SCAMP1: variants seen among roughly 807,000 people sequenced by gnomAD.
SCAMP1 encodes secretory carrier-associated membrane protein 1.
A neutral mutation model predicts 41.8 loss-of-function variants in SCAMP1; 15 were observed. The observed-to-expected ratio is 0.36, with a 90% confidence interval of 0.24 to 0.55. The LOEUF is 0.55. Ranked by LOEUF, SCAMP1 falls within the 20% of genes least tolerant of loss-of-function variation. The pLI, the probability that SCAMP1 is intolerant of heterozygous loss-of-function variation, is 0.86. For synonymous variants in SCAMP1, 135 were observed against 136.8 expected (o/e 0.99, Z 0.09); for missense variants, 341 against 412.6 (o/e 0.83, Z 1.50).
intron 4 of SCAMP1, 99 bp from the exon 5 acceptor site, chr5:78,418,676 T>C: frequency 1.3e-6 from 1 of 767,054 alleles, no homozygotes; most frequent in Non-Finnish European, 2.0e-6. Flanking sequence ...TCTGAACTTT[T>C]GTTAACATAA....
intron 8 of SCAMP1, 51 bp downstream of exon 8, chr5:78,459,413 C>A (rs201597296): frequency 1.1e-6 from 1 of 890,586 alleles, no homozygotes; most frequent in Non-Finnish European, 1.8e-6. Context: ...ATGTAAAGTT[C>A]TCATTTTCCT....
intron 6 of SCAMP1, among the ~76,000 whole-genome samples, chr5:78,442,614 T>G (rs1752954622): frequency 6.6e-6 from 1 of 152,216 alleles, no homozygotes; most frequent in Admixed American, 6.5e-5. Flanking sequence ...AGTCCATTTG[T>G]GACCTAGGAC....
intron 3 of SCAMP1, 73 bp from the exon 4 acceptor site, chr5:78,416,468 G>A (rs558561155): frequency 1.0e-5 from 11 of 1,084,566 alleles, no homozygotes; most frequent in Non-Finnish European, 1.5e-5. Flanking sequence ...TAGAGAAGTA[G>A]GAGTTAGCAT....
Position 78,421,820 on chromosome 5 carries a change from T to C in SCAMP1, c.492T>C (p.Phe164=). 1 of 1,613,924 alleles carries C rather than the reference T, an allele frequency of 6.2e-7. No individual in the cohort carries two copies. Among genetic ancestry groups the C allele is most frequent in the Non-Finnish European group, 8.5e-7 (1 of 1,179,830 alleles). Residue 164 remains phenylalanine (F), a synonymous_variant, in exon 6 of 9, where the codon TTT becomes TTC. Transcript: ENST00000621999. ...CCACAGTCCATGCAGTAACACTGTT[T>C]CTAAATATCTTCGGATGCTTGGCTT... ...YLWMFHAVTL[F]LNIFGCLAWF... is the part of the protein sequence containing the mutation.
intron 2 of SCAMP1, among the ~76,000 whole-genome samples, chr5:78,408,335 C>T (rs1271131941): frequency 6.6e-6 from 1 of 152,090 alleles, no homozygotes; most frequent in Non-Finnish European, 1.5e-5. Context: ...AGACCCACCC[C>T]CATGATTCAG....
intron 8 of SCAMP1, among the ~76,000 whole-genome samples, chr5:78,464,045 T>G (rs1753680591): frequency 6.6e-6 from 1 of 152,228 alleles, no homozygotes; most frequent in Non-Finnish European, 1.5e-5. Context: ...TGGCGCGATC[T>G]TGGCTCACTG....
At chr5:78,416,861 G>A (rs1752223444) in intron 4 of SCAMP1, among the ~76,000 whole-genome samples, 1 of 152,132 alleles carries the variant, frequency 6.6e-6, no homozygotes, top group African/African-American at 2.4e-5. Flanking sequence ...GCTTAGAACA[G>A]TGTTAGCCTC....
chr5:78,467,266 G>T (rs1174100850), intron 8 of SCAMP1, among the ~76,000 whole-genome samples: 1 of 152,122 alleles, frequency 6.6e-6, no homozygotes, highest in Non-Finnish European at 1.5e-5. Context: ...ACTCTGCTGT[G>T]GGTGAAGTAT....
intron 8 of SCAMP1, among the ~76,000 whole-genome samples, chr5:78,464,617 G>A (rs544629548): frequency 1.3e-5 from 2 of 152,088 alleles, no homozygotes; most frequent in East Asian, 1.9e-4. Flanking sequence ...GATTTTTGAC[G>A]TGGATCTGGG....
intron 2 of SCAMP1, among the ~76,000 whole-genome samples, chr5:78,398,965 C>T (rs1480873475): frequency 6.6e-6 from 1 of 152,152 alleles, no homozygotes; most frequent in Admixed American, 6.5e-5. Context: ...CTGTGCTGTA[C>T]TTATTCATCT....
intron 7 of SCAMP1, among the ~76,000 whole-genome samples, chr5:78,455,242 C>T (rs1426792966): frequency 6.7e-6 from 1 of 149,674 alleles, no homozygotes; most frequent in African/African-American, 2.5e-5. Context: ...AACGTGTTTG[C>T]CCTTGCTTTT....
At chr5:78,409,422 TACACACAC>T (rs59969661) in intron 2 of SCAMP1, among the ~76,000 whole-genome samples, 4 of 148,800 alleles carry the variant, frequency 2.7e-5, no homozygotes, top group African/African-American at 4.9e-5. Flanking sequence ...CACATATAGA[TACACACAC>T]ACACACACAC....
intron 1 of SCAMP1, among the ~76,000 whole-genome samples, chr5:78,363,622 T>A (rs1177085396): frequency 1.3e-5 from 2 of 152,266 alleles, no homozygotes; most frequent in Non-Finnish European, 2.9e-5. Context: ...AAATCCTATT[T>A]GTTTTCCATT....
intron 6 of SCAMP1, among the ~76,000 whole-genome samples, chr5:78,438,587 T>C (rs1561276552): frequency 6.6e-6 from 1 of 152,224 alleles, no homozygotes; most frequent in African/African-American, 2.4e-5. Flanking sequence ...GACAGTTTGT[T>C]GTGATTTCTG....
chr5:78,377,116 A>G (rs1414360901), intron 1 of SCAMP1, among the ~76,000 whole-genome samples: 2 of 152,014 alleles, frequency 1.3e-5, no homozygotes, highest in Non-Finnish European at 1.5e-5. Context: ...GGAAAAAAAA[A>G]GCTGAGGCCC....
At chr5:78,459,183 T>C in intron 7 of SCAMP1, 62 bp from the exon 8 acceptor site, 9 of 769,612 alleles carry the variant, frequency 1.2e-5, no homozygotes, top group Non-Finnish European at 2.1e-5. Flanking sequence ...TGTTAGATAT[T>C]ATGCTATTTT....
intron 1 of SCAMP1, among the ~76,000 whole-genome samples, chr5:78,365,021 A>G (rs1352959586): frequency 6.6e-6 from 1 of 152,168 alleles, no homozygotes; most frequent in Non-Finnish European, 1.5e-5. Context: ...GTATTAAAAA[A>G]GAAAGACTCA....
chr5:78,457,540 G>T (rs548378323), intron 7 of SCAMP1, among the ~76,000 whole-genome samples: 4 of 152,220 alleles, frequency 2.6e-5, no homozygotes, highest in Non-Finnish European at 2.9e-5. Flanking sequence ...CAGTCTGCCC[G>T]TTCTCAGATC....
Position 78,477,009 on chromosome 5 carries a change from C to G in SCAMP1, c.*1341C>G, listed in dbSNP as rs1754021015. 1 of 152,056 alleles carries G rather than the reference C, an allele frequency of 6.6e-6. No individual in the cohort carries two copies. Among genetic ancestry groups the G allele is most frequent in the South Asian group, 2.1e-4 (1 of 4,826 alleles). 9.4% of individuals were successfully genotyped at this position (152,056 alleles called of 1,614,324 possible). A position where few individuals can be genotyped will look rare whatever the true frequency, so the allele number is the denominator to read the frequency against. On this transcript the variant is annotated 3_prime_UTR_variant, in exon 9 of 9. Coordinates refer to ENST00000621999, the MANE Select transcript of SCAMP1 (RefSeq NM_004866.6). ...AGTCATGCTGCTGTGTTTTGAAAGT[C>G]TTTAACTAAATTAAGATTGCAGAAT... is the stretch of plus-strand genomic sequence containing the variant.
Sources: gnomAD v4.1 joint callset for allele counts (sites outside exome capture counted in the v4.1 genomes callset) on GRCh38, gnomAD v4.1.1 for gene constraint, MANE v1.5 for transcripts, NCBI Gene and HGNC (gene_info 2026-07-23, HGNC 2026-07-21) for gene names.